ATG5: variants seen among roughly 807,000 people sequenced by gnomAD.
The protein encoded by ATG5 is autophagy related 5.
Under a neutral mutation model 36.5 loss-of-function variants are expected in ATG5, and 14 were observed. That is an observed-to-expected ratio of 0.38 (90% confidence interval 0.25 to 0.60). ATG5 has a LOEUF of 0.60. Among genes scored for constraint, ATG5 ranks in the 20% least tolerant of loss-of-function variants. ATG5 has a pLI of 0.60. For synonymous variants in ATG5, 95 were observed against 101.5 expected, an observed-to-expected ratio of 0.94 and a Z score of 0.38; for missense variants, 195 against 326.7, an observed-to-expected ratio of 0.60 and a Z score of 3.11.
intron 5 of ATG5, among the ~76,000 whole-genome samples, chr6:106,255,905 C>A (rs930222219): frequency 1.3e-5 from 2 of 152,096 alleles, no homozygotes; most frequent in Non-Finnish European, 2.9e-5. Flanking sequence ...AGATTTATAA[C>A]CAATAACCTC....
At chr6:106,209,378 C>CAA (rs1346621339) in intron 6 of ATG5, among the ~76,000 whole-genome samples, 2 of 152,198 alleles carry the variant, frequency 1.3e-5, no homozygotes, top group South Asian at 2.1e-4. Flanking sequence ...GTATATGCAA[C>CAA]AACTTGGATA....
At chr6:106,196,647 T>G (rs1427645742) in intron 7 of ATG5, among the ~76,000 whole-genome samples, 1 of 151,652 alleles carries the variant, frequency 6.6e-6, no homozygotes, top group Non-Finnish European at 1.5e-5. Flanking sequence ...TGCTTGAACC[T>G]GGGAGGCAGG....
chr6:106,266,803 C>T (rs1582631460), intron 5 of ATG5, among the ~76,000 whole-genome samples: 1 of 152,268 alleles, frequency 6.6e-6, no homozygotes, highest in South Asian at 2.1e-4. Flanking sequence ...ATTCAACATC[C>T]CTTCATGCTA....
chr6:106,313,407 G>A (rs183477120), intron 2 of ATG5, among the ~76,000 whole-genome samples: 1 of 152,214 alleles, frequency 6.6e-6, no homozygotes, highest in Non-Finnish European at 1.5e-5. Flanking sequence ...ACGGATCGCT[G>A]CCTAATGTTA....
rs565222457 is a variant in ATG5, at chr6:106,319,438, G to T, written c.-58-3172C>A. The stretch of plus-strand genomic sequence containing the variant: ...AGCTGTGTGGCAGGTGCTAGAAGAA[G>T]AATAATGGACTTTTAAAAACCTCAA... On this transcript the variant is annotated intron_variant, in intron 1 of 7. Transcript: ENST00000369076. Among the ~76,000 whole-genome samples the T allele has an allele frequency of 3.4e-3, 512 of 152,272 alleles. 1 individual carries two copies. Among genetic ancestry groups the T allele is most frequent in the African/African-American group, 9.3e-3 (385 of 41,550 alleles).
At chr6:106,225,808 T>C (rs1250641485) in intron 6 of ATG5, among the ~76,000 whole-genome samples, 1 of 152,174 alleles carries the variant, frequency 6.6e-6, no homozygotes, top group Non-Finnish European at 1.5e-5. Context: ...CAGGAGAGTT[T>C]GTGGAAAATC....
At chr6:106,250,011 T>C (rs561553737) in intron 5 of ATG5, among the ~76,000 whole-genome samples, 1 of 152,344 alleles carries the variant, frequency 6.6e-6, no homozygotes, top group Admixed American at 6.5e-5. Flanking sequence ...TATCTATGAC[T>C]CACATATTTT....
chr6:106,204,166 T>C (rs1437984901), intron 6 of ATG5, among the ~76,000 whole-genome samples: 1 of 152,100 alleles, frequency 6.6e-6, no homozygotes, highest in Non-Finnish European at 1.5e-5. Flanking sequence ...CCATGGCACA[T>C]GCATATCTAT....
chr6:106,280,431 C>A (rs192795563), intron 4 of ATG5, among the ~76,000 whole-genome samples: 49 of 152,108 alleles, frequency 3.2e-4, no homozygotes, highest in African/African-American at 1.2e-3. Flanking sequence ...TAAATTGTGG[C>A]ATAAACTTAT....
chr6:106,305,339 C>T, intron 3 of ATG5, among the ~76,000 whole-genome samples: 1 of 152,090 alleles, frequency 6.6e-6, no homozygotes, highest in Admixed American at 6.5e-5. Flanking sequence ...AACAAAGCCC[C>T]CGGTACTCTT....
At chr6:106,243,879 AAAAC>A (rs958639683) in intron 6 of ATG5, among the ~76,000 whole-genome samples, 21 of 150,484 alleles carry the variant, frequency 1.4e-4, no homozygotes, top group African/African-American at 4.9e-4. Context: ...ATATAAAAAT[AAAAC>A]AAAGATAAGT....
rs75690088 is a variant in ATG5 at position 106,305,643 on chromosome 6, G to A, written c.236+2721C>T. On this transcript the variant is annotated intron_variant, in intron 3 of 7. Coordinates refer to ENST00000369076, the MANE Select transcript of ATG5 (RefSeq NM_004849.4). ...TCCGAAGAATAAATATAGGAAGGAC[G>A]TTATTATTCAACTCAAATAAATGCT... is the stretch of plus-strand genomic sequence containing the variant. Among the ~76,000 whole-genome samples, 447 of 152,304 alleles carry A rather than the reference G, an allele frequency of 2.9e-3. 2 individuals are homozygous for A. Among genetic ancestry groups the A allele is most frequent in the African/African-American group, 0.01 (418 of 41,578 alleles).
intron 5 of ATG5, among the ~76,000 whole-genome samples, chr6:106,250,812 A>G (rs1778545223): frequency 1.3e-5 from 2 of 152,226 alleles, no homozygotes; most frequent in African/African-American, 4.8e-5. Context: ...AAGAAACATG[A>G]TTGTGCCAGT....
At chr6:106,236,609 T>C (rs949423842) in intron 6 of ATG5, among the ~76,000 whole-genome samples, 1 of 152,242 alleles carries the variant, frequency 6.6e-6, no homozygotes, top group African/African-American at 2.4e-5. Context: ...TATCTTTTCA[T>C]GTGCTTATTA....
intron 7 of ATG5, among the ~76,000 whole-genome samples, chr6:106,199,928 G>T (rs1776351487): frequency 6.6e-6 from 1 of 152,126 alleles, no homozygotes; most frequent in Non-Finnish European, 1.5e-5. Flanking sequence ...AAAGTTCAAG[G>T]AAGACTTTAT....
At chr6:106,253,926 CAAAAT>C (rs1778697886) in intron 5 of ATG5, among the ~76,000 whole-genome samples, 1 of 152,116 alleles carries the variant, frequency 6.6e-6, no homozygotes, top group Non-Finnish European at 1.5e-5. Flanking sequence ...ATGTGAGTAA[CAAAAT>C]ACCTCTTCCC....
intron 6 of ATG5, among the ~76,000 whole-genome samples, chr6:106,222,840 G>A (rs1777304366): frequency 6.6e-6 from 1 of 152,050 alleles, no homozygotes; most frequent in Non-Finnish European, 1.5e-5. Context: ...TAACCCAGAG[G>A]ACAATAAGGA....
At chr6:106,224,796 G>C (rs574034983) in intron 6 of ATG5, among the ~76,000 whole-genome samples, 1 of 152,128 alleles carries the variant, frequency 6.6e-6, no homozygotes. Flanking sequence ...TAGGAGAATC[G>C]CTTGAACCCG....
At chr6:106,200,632 C>G (rs935184501) in intron 7 of ATG5, among the ~76,000 whole-genome samples, 1 of 152,078 alleles carries the variant, frequency 6.6e-6, no homozygotes, top group South Asian at 2.1e-4. Flanking sequence ...CCCGCCACCA[C>G]GCCCAGCTGA....
Sources: gnomAD v4.1 joint callset for allele counts (sites outside exome capture counted in the v4.1 genomes callset) on GRCh38, gnomAD v4.1.1 for gene constraint, MANE v1.5 for transcripts, NCBI Gene and HGNC (gene_info 2026-07-23, HGNC 2026-07-21) for gene names.